The following SORBS2 variants were observed in gnomAD, a reference collection of about 807,000 sequenced individuals.
SORBS2 encodes the protein sorbin and SH3 domain containing 2.
A neutral mutation model predicts 97.7 loss-of-function variants in SORBS2; 46 were observed. The ratio of observed to expected loss-of-function variants is 0.47; its 90% CI spans 0.37 to 0.60. SORBS2 has a LOEUF of 0.60. Ranked by LOEUF, SORBS2 falls within the 20% of genes least tolerant of loss-of-function variation. The pLI, the probability that SORBS2 is intolerant of heterozygous loss-of-function variation, is 0.00. For missense variants in SORBS2, 1,316 were observed against 1,282.3 expected, an observed-to-expected ratio of 1.03 and a Z score of -0.40; for synonymous variants, 476 against 473.4, an observed-to-expected ratio of 1.01 and a Z score of -0.07.
At chr4:185,862,932 G>C (rs968646028) in intron 1 of SORBS2, among the ~76,000 whole-genome samples, 1 of 152,130 alleles carries the variant, frequency 6.6e-6, no homozygotes, top group Non-Finnish European at 1.5e-5. Context: ...TTCTCTTGTA[G>C]AGCCCCTGGG....
At chr4:185,614,239 G>A (rs1368124128) in intron 11 of SORBS2, among the ~76,000 whole-genome samples, 1 of 140,654 alleles carries the variant, frequency 7.1e-6, no homozygotes, top group African/African-American at 2.7e-5. Flanking sequence ...TTACAGGCGT[G>A]AGCCACCATG....
chr4:185,734,843 C>T, intron 2 of SORBS2, among the ~76,000 whole-genome samples: 1 of 152,230 alleles, frequency 6.6e-6, no homozygotes, highest in East Asian at 1.9e-4. Context: ...AAGGAAGCCT[C>T]TTCAGGTCCC....
chr4:185,810,895 G>C (rs1445051277), intron 1 of SORBS2: 1 of 152,132 alleles, frequency 6.6e-6, no homozygotes, highest in Non-Finnish European at 1.5e-5. Flanking sequence ...CTATCTGCTT[G>C]TGAGAAAAAT....
At chr4:185,644,563 T>C (rs556468281) in intron 4 of SORBS2, among the ~76,000 whole-genome samples, 7 of 152,246 alleles carry the variant, frequency 4.6e-5, no homozygotes, top group African/African-American at 1.7e-4. Flanking sequence ...TGGGCTCAAC[T>C]CCTAGTTCTG....
chr4:185,812,911 C>G (rs925035377), intron 1 of SORBS2: 6 of 151,968 alleles, frequency 3.9e-5, no homozygotes, highest in African/African-American at 1.5e-4. Context: ...TTAAAAAATC[C>G]GCACCTAATT....
intron 1 of SORBS2, among the ~76,000 whole-genome samples, chr4:185,777,342 T>C (rs1267911158): frequency 6.6e-6 from 1 of 152,242 alleles, no homozygotes; most frequent in Non-Finnish European, 1.5e-5. Flanking sequence ...TTTGTTTCTC[T>C]TGGCCTCAAT....
chr4:185,667,735 T>G (rs1171220313), intron 4 of SORBS2, among the ~76,000 whole-genome samples: 1 of 148,846 alleles, frequency 6.7e-6, no homozygotes, highest in Non-Finnish European at 1.5e-5. Context: ...ATTTTACTGT[T>G]CATGGTTGTT....
intron 2 of SORBS2, among the ~76,000 whole-genome samples, chr4:185,692,557 G>A (rs2098116147): frequency 6.6e-6 from 1 of 151,968 alleles, no homozygotes; most frequent in South Asian, 2.1e-4. Context: ...TGTGGCTATT[G>A]GAGTTCACCT....
At position 185,649,670 on chromosome 4, in the gene SORBS2, A is replaced by G. The variant is rs2097276901; in HGVS notation, c.92-14T>C. On this transcript the variant is annotated splice_polypyrimidine_tract_variant and intron_variant, in intron 2 of 14. Transcript: ENST00000418609. ...GGTTGTACAGACCTATCATGACAAA[A>G]AACAAAAGCAGACAAAAAACAGAAG... 1 of 1,353,040 alleles carries G rather than the reference A, an allele frequency of 7.4e-7. No individual in the cohort carries two copies. Among genetic ancestry groups the G allele is most frequent in the South Asian group, 2.4e-5 (1 of 42,098 alleles). 83.8% of individuals were successfully genotyped at this position (1,353,040 alleles called of 1,614,324 possible). A position where few individuals can be genotyped will look rare whatever the true frequency, so the allele number is the denominator to read the frequency against.
chr4:185,883,683 C>A (rs569482606), intron 1 of SORBS2, among the ~76,000 whole-genome samples: 340 of 152,182 alleles, frequency 2.2e-3, no homozygotes, highest in African/African-American at 7.7e-3. Flanking sequence ...TCAACAACAA[C>A]AAAAAATTAA....
intron 1 of SORBS2, among the ~76,000 whole-genome samples, chr4:185,943,253 T>G (rs2099272962): frequency 6.6e-6 from 1 of 152,204 alleles, no homozygotes; most frequent in African/African-American, 2.4e-5. Flanking sequence ...AATAGGATAT[T>G]CCACATAGTA....
intron 4 of SORBS2, chr4:185,677,351 G>A: frequency 6.4e-7 from 1 of 1,552,388 alleles, no homozygotes; most frequent in South Asian, 1.2e-5. Context: ...GAACTGGGGT[G>A]TTGATGTTAG....
At chr4:185,667,708 G>A (rs62336101) in intron 4 of SORBS2, among the ~76,000 whole-genome samples, 144,499 of 146,844 alleles carry the variant, frequency 0.98, 71,117 homozygotes, top group Middle Eastern at 1. Flanking sequence ...ATATATATAC[G>A]TATATATATA....
intron 1 of SORBS2, among the ~76,000 whole-genome samples, chr4:185,876,683 G>A (rs1270944040): frequency 6.6e-6 from 1 of 152,136 alleles, no homozygotes; most frequent in Non-Finnish European, 1.5e-5. Flanking sequence ...CTCTTTTTCT[G>A]CCCATGTGTC....
Position 185,665,943 on chromosome 4 carries a change from G to T in SORBS2, c.-45-3701C>A, listed in dbSNP as rs950441999. On this transcript the variant is annotated intron_variant, in intron 4 of 20. Transcript: ENST00000284776. Reference sequence around the variant, plus strand: ...TCAGAGAGCCTGTGTCGTGGCTGTGGATGAGGCTTTCTGGAGCTGGGAGCA... The same window carrying T: ...TCAGAGAGCCTGTGTCGTGGCTGTGTATGAGGCTTTCTGGAGCTGGGAGCA... 4.0e-6 allele frequency: 5 copies of T among 1,236,334 alleles called. No homozygotes were observed. The African/African-American group carries it at 7.7e-5, about 19-fold the overall frequency. The allele number at this position is 1,236,334 out of a possible 1,614,324, so 76.6% of individuals were successfully genotyped here.
At chr4:185,867,577 A>T (rs1168120593) in intron 1 of SORBS2, among the ~76,000 whole-genome samples, 1 of 152,166 alleles carries the variant, frequency 6.6e-6, no homozygotes, top group Admixed American at 6.5e-5. Flanking sequence ...GAATGATCAC[A>T]TTTCTTGTTT....
chr4:185,753,760 T>G (rs1226080150), intron 2 of SORBS2, among the ~76,000 whole-genome samples: 1 of 152,188 alleles, frequency 6.6e-6, no homozygotes, highest in East Asian at 1.9e-4. Context: ...CTTGTATTCT[T>G]TCAAAATCAT....
At chr4:185,765,752 A>G (rs2098930960) in intron 2 of SORBS2, among the ~76,000 whole-genome samples, 1 of 152,196 alleles carries the variant, frequency 6.6e-6, no homozygotes, top group Non-Finnish European at 1.5e-5. Context: ...GGCATCATCA[A>G]TTTTTTTACC....
At chr4:185,730,915 T>C (rs1370049566) in intron 2 of SORBS2, among the ~76,000 whole-genome samples, 1 of 152,174 alleles carries the variant, frequency 6.6e-6, no homozygotes, top group Non-Finnish European at 1.5e-5. Flanking sequence ...CCAAATTGCA[T>C]TGTTACTGAT....
Sources: gnomAD v4.1 joint callset for allele counts (sites outside exome capture counted in the v4.1 genomes callset) on GRCh38, gnomAD v4.1.1 for gene constraint, MANE v1.5 for transcripts, NCBI Gene and HGNC (gene_info 2026-07-23, HGNC 2026-07-21) for gene names.